The following ZNF609 variants were observed in gnomAD, a reference collection of about 807,000 sequenced individuals.
ZNF609 encodes the protein zinc finger protein 609.
In ZNF609, 11 loss-of-function variants were observed where a neutral mutation model predicts 109.5. The ratio of observed to expected loss-of-function variants is 0.10; its 90% confidence interval spans 0.06 to 0.17. The LOEUF is 0.17. ZNF609 is among the 10% of genes least tolerant of loss of function. The probability of loss-of-function intolerance (pLI) is 1.00; values close to 1 mark genes in which losing one functional copy is unlikely to be tolerated. For synonymous variants in ZNF609, 646 were observed against 662.0 expected (o/e 0.98, Z 0.37); for missense variants, 1,559 against 1,772.4 (o/e 0.88, Z 2.16).
intron 2 of ZNF609, chr15:64,500,417 A>C: frequency 1.4e-6 from 1 of 712,590 alleles, no homozygotes; most frequent in Non-Finnish European, 2.5e-6. Context: ...ACTTTGTAGA[A>C]TGAACTTTCT....
In ZNF609 at chr15:64,680,765, C is replaced by T. The variant is rs1191543014; in HGVS notation, c.4065C>T (p.Arg1355=). The T allele has an allele frequency of 1.2e-6, 2 of 1,613,644 alleles. No homozygotes were observed. The highest frequency in any genetic ancestry group is 1.7e-6 in the Non-Finnish European group (2 of 1,179,980). ...SGGERSVDRP[R]TSPSQRLMST... ...GTGAACGGAGTGTTGACCGGCCCCG[C>T]ACCTCTCCTTCCCAGCGCCTGATGT... Residue 1355 remains arginine (R), a synonymous_variant, in exon 8 of 10, where the codon CGC becomes CGT. Transcript: ENST00000326648.
At chr15:64,661,688 C>G (rs1332543742) in intron 3 of ZNF609, among the ~76,000 whole-genome samples, 1 of 152,152 alleles carries the variant, frequency 6.6e-6, no homozygotes, top group African/African-American at 2.4e-5. Flanking sequence ...CCTTATTTAT[C>G]CTTATTCTCT....
chr15:64,485,513 T>G (rs1893319045), intron 1 of ZNF609, among the ~76,000 whole-genome samples: 3 of 152,196 alleles, frequency 2.0e-5, no homozygotes, highest in Admixed American at 1.3e-4. Context: ...GTAAGAATAA[T>G]GCAGTGGGGT....
At chr15:64,568,219 A>C (rs1894808547) in intron 2 of ZNF609, among the ~76,000 whole-genome samples, 1 of 152,190 alleles carries the variant, frequency 6.6e-6, no homozygotes, top group Admixed American at 6.5e-5. Context: ...TACCATTATT[A>C]TACTACACAG....
chr15:64,509,316 ATAGTACTGAC>A (rs1193388775), intron 2 of ZNF609, among the ~76,000 whole-genome samples: 5 of 152,190 alleles, frequency 3.3e-5, no homozygotes, highest in African/African-American at 9.7e-5. Context: ...GAAGTAAATA[ATAGTACTGAC>A]CTCATAGGGT....
chr15:64,600,460 A>G (rs544901962), intron 2 of ZNF609, among the ~76,000 whole-genome samples: 9 of 146,660 alleles, frequency 6.1e-5, no homozygotes, highest in Admixed American at 2.0e-4. Context: ...AAAAAAAAAA[A>G]AAAAAAGAAA....
At chr15:64,526,081 C>T (rs190756729) in intron 2 of ZNF609, among the ~76,000 whole-genome samples, 2 of 151,322 alleles carry the variant, frequency 1.3e-5, no homozygotes, top group Admixed American at 6.6e-5. Context: ...TGAGCTACCA[C>T]GCTCAGCCCT....
chr15:64,613,638 C>T (rs577240163), intron 2 of ZNF609, among the ~76,000 whole-genome samples: 4 of 152,066 alleles, frequency 2.6e-5, no homozygotes, highest in Non-Finnish European at 5.9e-5. Context: ...GCAGCCGCCG[C>T]CTGCCGGGTT....
intron 1 of ZNF609, among the ~76,000 whole-genome samples, chr15:64,467,728 C>A (rs1374253499): frequency 6.6e-6 from 1 of 152,054 alleles, no homozygotes; most frequent in African/African-American, 2.4e-5. Flanking sequence ...GTCTGTAGTC[C>A]CAGCTACTCG....
intron 1 of ZNF609, among the ~76,000 whole-genome samples, chr15:64,492,371 T>C (rs1893425432): frequency 6.6e-6 from 1 of 152,204 alleles, no homozygotes; most frequent in Non-Finnish European, 1.5e-5. Context: ...TGGGTATTGG[T>C]ACAACCTGTA....
At position 64,578,432 on chromosome 15, in the gene ZNF609, C is replaced by T. The variant is rs118092540; in HGVS notation, c.748-44395C>T. Among the ~76,000 whole-genome samples, 57 of 152,182 alleles carry T rather than the reference C, an allele frequency of 3.7e-4. 2 individuals are homozygous for T. The East Asian group carries it at 0.01, about 28-fold the overall frequency. ...TTTATGAGCCGGGCACAGTTGCTCACGACTGTAATCCCAGCACCTTGGGAG... is the reference window on the plus strand; with the variant it reads ...TTTATGAGCCGGGCACAGTTGCTCATGACTGTAATCCCAGCACCTTGGGAG... On this transcript the variant is annotated intron_variant, in intron 2 of 9. Coordinates refer to ENST00000326648, the MANE Select transcript of ZNF609 (RefSeq NM_015042.2).
rs138878693 is a variant in ZNF609, at chr15:64,546,096, G to C, written c.747+45930G>C. 3.0e-3 allele frequency among the ~76,000 whole-genome samples: 458 copies of C among 152,216 alleles called. 9 individuals are homozygous for C. In the East Asian group the frequency reaches 0.043, roughly 14 times the overall value. On this transcript the variant is annotated intron_variant, in intron 2 of 9. Transcript: ENST00000326648. Reference sequence around the variant, plus strand: ...AAGTGGCAAAATGTTTTCCTAAGTGGTTACACGATTTTATACTCTTACCAG... The same window carrying C: ...AAGTGGCAAAATGTTTTCCTAAGTGCTTACACGATTTTATACTCTTACCAG...
intron 3 of ZNF609, among the ~76,000 whole-genome samples, chr15:64,645,936 A>T (rs910091918): frequency 6.6e-6 from 1 of 152,204 alleles, no homozygotes; most frequent in African/African-American, 2.4e-5. Flanking sequence ...GTTGGTTGGA[A>T]CATAAAATGA....
chr15:64,606,007 G>A lies in ZNF609; in HGVS notation c.748-16820G>A, dbSNP rs112423922. The stretch of plus-strand genomic sequence containing the variant: ...CCTGACCTCGTGATCCACCCGCCTC[G>A]GCCTCCCAAAGTGCTGGGATTACAG... On this transcript the variant is annotated intron_variant, in intron 2 of 9. Coordinates refer to ENST00000326648, the MANE Select transcript of ZNF609 (RefSeq NM_015042.2). Among the ~76,000 whole-genome samples, 12 of 142,878 alleles carry A rather than the reference G, an allele frequency of 8.4e-5. No individual in the cohort carries two copies. In the South Asian group the frequency reaches 2.2e-3, roughly 26 times the overall value. The allele number at this position is 142,878 out of a possible 152,430, so 93.7% of individuals were successfully genotyped here.
intron 3 of ZNF609, among the ~76,000 whole-genome samples, chr15:64,655,108 AGTAT>A (rs1461384988): frequency 4.6e-5 from 7 of 150,596 alleles, no homozygotes; most frequent in Non-Finnish European, 1.0e-4. Context: ...AAAAAAAAAA[AGTAT>A]AGCACCAAGT....
At chr15:64,528,875 T>C in intron 2 of ZNF609, 1 of 966,618 alleles carries the variant, frequency 1.0e-6, no homozygotes, top group South Asian at 1.3e-5. Context: ...GAGGGGGCCC[T>C]CCGATGCCTA....
intron 3 of ZNF609, among the ~76,000 whole-genome samples, chr15:64,664,429 T>C (rs943594513): frequency 3.3e-5 from 5 of 152,192 alleles, no homozygotes; most frequent in Admixed American, 2.6e-4. Context: ...CGGAGCACTA[T>C]TTATTACTGC....
intron 1 of ZNF609, among the ~76,000 whole-genome samples, chr15:64,472,988 A>T (rs2140331247): frequency 1.3e-5 from 2 of 152,286 alleles, no homozygotes; most frequent in African/African-American, 4.8e-5. Flanking sequence ...ATCAAAAATG[A>T]AACTATAAGA....
At chr15:64,576,447 T>C (rs956201036) in intron 2 of ZNF609, among the ~76,000 whole-genome samples, 4 of 150,990 alleles carry the variant, frequency 2.6e-5, no homozygotes, top group Admixed American at 2.6e-4. Flanking sequence ...AATTTTGTTC[T>C]AGAAAAAAAA....
Sources: allele counts gnomAD v4.1 joint callset (sites outside exome capture counted in the v4.1 genomes callset), GRCh38; gene constraint gnomAD v4.1.1; transcripts MANE v1.5; gene names NCBI Gene and HGNC (gene_info 2026-07-23, HGNC 2026-07-21).